UMODL1: variants seen among roughly 807,000 people sequenced by gnomAD.
UMODL1 encodes uromodulin-like 1.
In UMODL1, 128 loss-of-function variants were observed where a neutral mutation model predicts 136.3. The ratio of observed to expected loss-of-function variants is 0.94; its 90% confidence interval spans 0.81 to 1.09. The LOEUF (loss-of-function observed/expected upper bound fraction) is 1.09. UMODL1 is among the 50% of genes least tolerant of loss of function. The pLI, the probability that UMODL1 is intolerant of heterozygous loss-of-function variation, is 0.00. For missense variants in UMODL1, 1,766 were observed against 1,725.6 expected (o/e 1.02, Z -0.41); for synonymous variants, 721 against 720.0 (o/e 1.00, Z -0.02).
intron 6 of UMODL1, among the ~76,000 whole-genome samples, chr21:42,091,792 C>A (rs1045380718): frequency 3.3e-5 from 5 of 152,094 alleles, no homozygotes; most frequent in Non-Finnish European, 7.4e-5. Flanking sequence ...TTGAGTTGGA[C>A]GCGTGGTGCT....
At chr21:42,095,089 G>GGTTTTTTTTTTGTT (rs1555922532) in intron 6 of UMODL1, among the ~76,000 whole-genome samples, 1 of 61,186 alleles carries the variant, frequency 1.6e-5, no homozygotes, top group Non-Finnish European at 2.9e-5. Flanking sequence ...TTCTTCTGCT[G>GGTTTTTTTTTTGTT]TTTTTTTTTT....
Position 42,076,247 on chromosome 21 carries a change from C to A in UMODL1, c.319C>A (p.Pro107Thr), listed in dbSNP as rs372480795. The A allele has an allele frequency of 1.2e-6, 2 of 1,614,090 alleles. No homozygotes were observed. The highest frequency in any genetic ancestry group is 1.7e-6 in the Non-Finnish European group (2 of 1,179,940). ...YEQLGLYCVL[P>T]LNQSGQFTSR... is the part of the protein sequence containing the mutation. ...ACAGCTCGGCCTCTACTGTGTCTTG[C>A]GTGAGTCCAGGGCTGCTGGGCTGGG... is the stretch of plus-strand genomic sequence containing the variant. Residue 107 changes from proline (P) to threonine (T), a missense_variant and splice_region_variant, in exon 2 of 23, where the codon CCC becomes ACC. Transcript: ENST00000408910.
At chr21:42,110,007 T>G (rs912529942) in intron 10 of UMODL1, among the ~76,000 whole-genome samples, 11 of 152,212 alleles carry the variant, frequency 7.2e-5, no homozygotes, top group Admixed American at 2.6e-4. Context: ...GCCAAGTTCC[T>G]TGGGCCCACA....
chr21:42,115,364 G>T lies in UMODL1; in HGVS notation c.2363-509G>T, dbSNP rs138047508. On this transcript the variant is annotated intron_variant, in intron 13 of 22. Transcript: ENST00000408910. ...ACTGCCCATAGACCAGGGGAGGTGG[G>T]GCTGCTGGGGGAGGAAGAAGGACTG... is the stretch of plus-strand genomic sequence containing the variant. Among the ~76,000 whole-genome samples, 562 of 152,352 alleles carry T rather than the reference G, an allele frequency of 3.7e-3. 6 individuals are homozygous for T. The highest frequency in any genetic ancestry group is 0.013 in the African/African-American group (534 of 41,576).
Position 42,102,368 on chromosome 21 carries a change from T to G in UMODL1, c.1299+90T>G. On this transcript the variant is annotated intron_variant, in intron 8 of 22. Transcript: ENST00000408910. ...CCGTTAATTCCTGCCCAGCTCTTCCTCTGGGATTGTGGCAAAAATACATGT... is the reference window on the plus strand; with the variant it reads ...CCGTTAATTCCTGCCCAGCTCTTCCGCTGGGATTGTGGCAAAAATACATGT... 3 of 1,011,924 alleles carry G rather than the reference T, an allele frequency of 3.0e-6. No homozygotes were observed. The South Asian group carries it at 4.8e-5, about 16-fold the overall frequency. The allele number at this position is 1,011,924 out of a possible 1,614,324, so 62.7% of individuals were successfully genotyped here.
chr21:42,071,883 CAAA>C (rs71274595), intron 1 of UMODL1, among the ~76,000 whole-genome samples: 1 of 137,652 alleles, frequency 7.3e-6, no homozygotes. Context: ...CCATGTGTAC[CAAA>C]AAAAAAAAAA....
intron 9 of UMODL1, among the ~76,000 whole-genome samples, chr21:42,106,352 CA>C (rs1049800979): frequency 1.3e-5 from 2 of 152,188 alleles, no homozygotes; most frequent in Non-Finnish European, 2.9e-5. Flanking sequence ...AACGAAAACA[CA>C]AAAAGAGCTC....
chr21:42,129,724 CTT>C lies in UMODL1; in HGVS notation c.3704_3705del (p.Phe1235SerfsTer6). Reference sequence around the variant, plus strand: ...AAAAAAAAAAACAGAATTGCAATAACTTTCGGTTGCTGCAAAATAGTGAAACC... The same window carrying C: ...AAAAAAAAAAACAGAATTGCAATAACTCGGTTGCTGCAAAATAGTGAAACC... ...GATCKINCNNFRLLQNSETSA... is the reference protein window; with the variant it reads ...GATCKINCNNXRLLQNSETSA... On this transcript the variant is annotated frameshift_variant, in exon 21 of 23. Transcript: ENST00000408910. LOFTEE classifies it high-confidence loss of function. The C allele has an allele frequency of 6.3e-7, 1 of 1,579,586 alleles. No individual in the cohort carries two copies. Among genetic ancestry groups the C allele is most frequent in the East Asian group, 2.3e-5 (1 of 43,700 alleles).
chr21:42,091,925 A>C (rs1290010756), intron 6 of UMODL1, among the ~76,000 whole-genome samples: 1 of 152,258 alleles, frequency 6.6e-6, no homozygotes, highest in Non-Finnish European at 1.5e-5. Flanking sequence ...GAACCCCAAC[A>C]GTGCCAGGTC....
At chr21:42,116,617 T>G (rs971393157) in intron 14 of UMODL1, among the ~76,000 whole-genome samples, 4 of 122,314 alleles carry the variant, frequency 3.3e-5, no homozygotes, top group Admixed American at 2.4e-4. Flanking sequence ...CCCTCCACGG[T>G]TTTTTTTTTT....
At position 42,119,183 on chromosome 21, in the gene UMODL1, G is replaced by A. The variant is rs220146; in HGVS notation, c.2548G>A (p.Val850Ile). 345,704 of 1,614,028 alleles carry A rather than the reference G, an allele frequency of 0.21. 37,965 individuals carry two copies. The highest frequency in any genetic ancestry group is 0.3 in the Admixed American group (18,197 of 60,020). ...AGGVRMEVVS[V>I]TNGSIVVEFH... ...TGGGGTCAGGATGGAAGTCGTCAGCGTCACCAACGGCAGCATCGTGGTGGA... is the reference window on the plus strand; with the variant it reads ...TGGGGTCAGGATGGAAGTCGTCAGCATCACCAACGGCAGCATCGTGGTGGA... The change falls in exon 15 of 23, where the codon GTC (valine) becomes ATC (isoleucine). Residue 850 changes from valine to isoleucine, a missense_variant. Physicochemically the swap from Val to Ile is conservative, Grantham distance 29. Transcript: ENST00000408910.
chr21:42,121,302 C>A, intron 16 of UMODL1, 78 bp downstream of exon 16: 1 of 1,516,500 alleles, frequency 6.6e-7, no homozygotes. Context: ...GTGCAAAGGG[C>A]TTCTTGTCCC....
At chr21:42,093,858 C>T (rs1324095130) in intron 6 of UMODL1, 1 of 456,564 alleles carries the variant, frequency 2.2e-6, no homozygotes, top group African/African-American at 2.0e-5. Context: ...GAGAACACTC[C>T]TGTACCCCGC....
At chr21:42,119,878 G>A (rs1299331945) in intron 15 of UMODL1, among the ~76,000 whole-genome samples, 1 of 152,128 alleles carries the variant, frequency 6.6e-6, no homozygotes, top group Non-Finnish European at 1.5e-5. Flanking sequence ...ATTTTTAGAG[G>A]AAAACGATGA....
chr21:42,102,318 T>A (rs2066646385), intron 8 of UMODL1, 40 bp downstream of exon 8: 1 of 1,454,656 alleles, frequency 6.9e-7, no homozygotes, highest in African/African-American at 1.4e-5. Flanking sequence ...TCTTGGGTGT[T>A]CTGAGTGAGG....
At chr21:42,101,794 G>A in intron 7 of UMODL1, 1 of 454,744 alleles carries the variant, frequency 2.2e-6, no homozygotes, top group Non-Finnish European at 4.4e-6. Context: ...CTGATGTTGG[G>A]GGCCTGAGTA....
intron 14 of UMODL1, 65 bp downstream of exon 14, chr21:42,116,050 C>G: frequency 7.2e-7 from 1 of 1,393,556 alleles, no homozygotes; most frequent in East Asian, 2.4e-5. Flanking sequence ...TGATAGAATT[C>G]TAGGTTAGGC....
chr21:42,121,091 C>T lies in UMODL1; in HGVS notation c.2694C>T (p.Tyr898=), dbSNP rs762010917. 29 of 1,612,582 alleles carry T rather than the reference C, an allele frequency of 1.8e-5. No individual in the cohort carries two copies. The highest frequency in any genetic ancestry group is 5.3e-5 in the African/African-American group (4 of 74,870). Residue 898 remains tyrosine (Y), a synonymous_variant, in exon 16 of 23, where the codon TAC becomes TAT. Transcript: ENST00000408910. ...VIRGDTFIQD[Y]DECERKEDDC... ...TGTCTTCTAAATGTTGTGCAGATTACGATGAGTGTGAAAGGAAGGAGGACG... is the reference window on the plus strand; with the variant it reads ...TGTCTTCTAAATGTTGTGCAGATTATGATGAGTGTGAAAGGAAGGAGGACG...
chr21:42,123,215 C>G lies in UMODL1; in HGVS notation c.3147+65C>G. 6.6e-7 allele frequency: 1 copy of G among 1,521,116 alleles called. No individual in the cohort carries two copies. Among genetic ancestry groups the G allele is most frequent in the Non-Finnish European group, 8.9e-7 (1 of 1,127,390 alleles). The allele number at this position is 1,521,116 out of a possible 1,614,324, so 94.2% of individuals were successfully genotyped here. On this transcript the variant is annotated intron_variant, in intron 17 of 22. Coordinates refer to ENST00000408910, the MANE Select transcript of UMODL1 (RefSeq NM_001004416.3). The surrounding 1 kb of genome is among the most constrained non-coding windows in gnomAD (Gnocchi z 4.4). Reference sequence around the variant, plus strand: ...CGCAAGGGGCTCTAGGTTACATGGGCCTCGATGTGGGAGGGCCAGGCAAGA... The same window carrying G: ...CGCAAGGGGCTCTAGGTTACATGGGGCTCGATGTGGGAGGGCCAGGCAAGA...
Sources: gnomAD v4.1 joint callset for allele counts (sites outside exome capture counted in the v4.1 genomes callset) on GRCh38, gnomAD v4.1.1 for gene constraint, Gnocchi (gnomAD v3.1) non-coding constraint, MANE v1.5 for transcripts, NCBI Gene and HGNC (gene_info 2026-07-23, HGNC 2026-07-21) for gene names.